The following TLE1 variants were observed in gnomAD, a reference collection of about 807,000 sequenced individuals.
The protein encoded by TLE1 is TLE family member 1, transcriptional corepressor, also known as transducin-like enhancer protein 1.
A neutral mutation model predicts 89.8 loss-of-function variants in TLE1; 21 were observed. The ratio of observed to expected loss-of-function variants is 0.23; its 90% CI spans 0.17 to 0.34. The LOEUF (loss-of-function observed/expected upper bound fraction) is 0.34. Among genes scored for constraint, TLE1 ranks in the 10% least tolerant of loss-of-function variants. The pLI, the probability that TLE1 is intolerant of heterozygous loss-of-function variation, is 1.00. For synonymous variants in TLE1, 447 were observed against 407.6 expected (o/e 1.10, Z -1.16); for missense variants, 795 against 1,031.2 (o/e 0.77, Z 3.14).
At position 81,583,888 on chromosome 9, in the gene TLE1, G is replaced by C. The variant is rs1343508363; in HGVS notation, c.*310C>G. ...AGGTAATCTCACACTTGGGCAAGGC[G>C]TGATCCCCAGATCACCCAGAAAGAA... On this transcript the variant is annotated 3_prime_UTR_variant, in exon 20 of 20. Transcript: ENST00000376499. 6.2e-6 allele frequency: 2 copies of C among 324,596 alleles called. No homozygotes were observed. Among genetic ancestry groups the C allele is most frequent in the Admixed American group, 4.1e-5 (1 of 24,328 alleles). 20.1% of individuals were successfully genotyped at this position (324,596 alleles called of 1,614,324 possible).
In TLE1 at chr9:81,583,986, G is replaced by C; in HGVS notation, c.*212C>G. On this transcript the variant is annotated 3_prime_UTR_variant, in exon 20 of 20. Transcript: ENST00000376499. ...AACCCATGGCCCCTCTGTCCGCTTGGCCTTGGTGCTCCATTTGGTCTATGT... is the reference window on the plus strand; with the variant it reads ...AACCCATGGCCCCTCTGTCCGCTTGCCCTTGGTGCTCCATTTGGTCTATGT... 1 of 552,346 alleles carries C rather than the reference G, an allele frequency of 1.8e-6. No homozygotes were observed. The highest frequency in any genetic ancestry group is 3.2e-6 in the Non-Finnish European group (1 of 309,252). 34.2% of individuals were successfully genotyped at this position (552,346 alleles called of 1,614,324 possible). A position where few individuals can be genotyped will look rare whatever the true frequency, so the allele number is the denominator to read the frequency against.
intron 8 of TLE1, among the ~76,000 whole-genome samples, chr9:81,627,057 G>A (rs1356346975): frequency 2.6e-5 from 4 of 152,056 alleles, no homozygotes; most frequent in African/African-American, 9.7e-5. Flanking sequence ...ACTTGCTAAT[G>A]CAAGAAATGG....
intron 8 of TLE1, among the ~76,000 whole-genome samples, chr9:81,632,471 ATCCCTTTTTTTTT>A (rs140249255): frequency 0.29 from 39,165 of 133,658 alleles, 5,219 homozygotes; most frequent in South Asian, 0.44. Flanking sequence ...AATGTTCAGT[ATCCCTTTTTTTTT>A]TTTTTTTTTT....
chr9:81,667,344 C>T (rs961458942), intron 4 of TLE1, among the ~76,000 whole-genome samples: 1 of 136,102 alleles, frequency 7.3e-6, no homozygotes, highest in African/African-American at 2.8e-5. Context: ...TGCAGTGAGC[C>T]GAGAGATCAC....
chr9:81,584,553 T>C (rs760665325), intron 18 of TLE1, 29 bp from the exon 19 acceptor site: 28 of 1,606,200 alleles, frequency 1.7e-5, no homozygotes, highest in Admixed American at 3.4e-5. Context: ...TATCTAGTTT[T>C]CACAAGGTTA....
At chr9:81,625,208 A>G (rs1198227862) in intron 8 of TLE1, among the ~76,000 whole-genome samples, 1 of 152,194 alleles carries the variant, frequency 6.6e-6, no homozygotes, top group African/African-American at 2.4e-5. Context: ...CTGTGAGAAC[A>G]CCAGATCTCA....
intron 4 of TLE1, among the ~76,000 whole-genome samples, chr9:81,666,857 C>T (rs1374403986): frequency 6.6e-6 from 1 of 151,962 alleles, no homozygotes; most frequent in Non-Finnish European, 1.5e-5. Flanking sequence ...GAAGCACTGG[C>T]TCACATCTAT....
At chr9:81,585,355 G>T in intron 18 of TLE1, 150 bp downstream of exon 18, 2 of 989,632 alleles carry the variant, frequency 2.0e-6, no homozygotes, top group Non-Finnish European at 2.9e-6. Flanking sequence ...ACATTGCTGT[G>T]CTCTGAAGGG....
chr9:81,664,324 T>G (rs1831191822), intron 4 of TLE1, among the ~76,000 whole-genome samples: 2 of 151,746 alleles, frequency 1.3e-5, no homozygotes, highest in Non-Finnish European at 2.9e-5. Flanking sequence ...CACAAAACAC[T>G]GCAAATAATC....
chr9:81,609,648 T>C (rs1425350064), intron 14 of TLE1, among the ~76,000 whole-genome samples: 2 of 152,190 alleles, frequency 1.3e-5, no homozygotes, highest in African/African-American at 4.8e-5. Flanking sequence ...GAAGCCACTT[T>C]GCTTTTTATA....
intron 4 of TLE1, among the ~76,000 whole-genome samples, chr9:81,669,744 T>A (rs533430173): frequency 6.6e-6 from 1 of 152,190 alleles, no homozygotes; most frequent in African/African-American, 2.4e-5. Flanking sequence ...GGCATTTCAA[T>A]CCTTAGATAC....
chr9:81,609,472 T>G (rs894079033), intron 14 of TLE1, among the ~76,000 whole-genome samples: 2 of 152,206 alleles, frequency 1.3e-5, no homozygotes, highest in Admixed American at 1.3e-4. Context: ...TTAAAAAATT[T>G]GAGAACTTTA....
At chr9:81,603,753 G>C (rs1831265649) in intron 14 of TLE1, among the ~76,000 whole-genome samples, 1 of 152,190 alleles carries the variant, frequency 6.6e-6, no homozygotes, top group Non-Finnish European at 1.5e-5. Context: ...TGTAATCCCA[G>C]CACTTTGGGA....
intron 4 of TLE1, among the ~76,000 whole-genome samples, chr9:81,670,560 C>A (rs1832084666): frequency 6.6e-6 from 1 of 151,932 alleles, no homozygotes; most frequent in African/African-American, 2.4e-5. Flanking sequence ...TCCTGACCCT[C>A]CTGACACCTT....
intron 14 of TLE1, among the ~76,000 whole-genome samples, chr9:81,595,999 C>T (rs1199856046): frequency 6.6e-6 from 1 of 151,750 alleles, no homozygotes; most frequent in East Asian, 1.9e-4. Flanking sequence ...CCAGGTAAGG[C>T]CAGGTTTCCA....
intron 4 of TLE1, among the ~76,000 whole-genome samples, chr9:81,681,417 G>A (rs1286924705): frequency 6.6e-6 from 1 of 152,012 alleles, no homozygotes; most frequent in Non-Finnish European, 1.5e-5. Context: ...AGGCATGGTG[G>A]TGGACTCCTG....
At chr9:81,615,901 C>A in intron 11 of TLE1, 81 bp downstream of exon 11, 1 of 1,552,736 alleles carries the variant, frequency 6.4e-7, no homozygotes, top group Non-Finnish European at 8.7e-7. Context: ...AAAACCCCCA[C>A]ATTTCCAATA....
At chr9:81,626,241 T>G (rs1463848509) in intron 8 of TLE1, among the ~76,000 whole-genome samples, 1 of 152,066 alleles carries the variant, frequency 6.6e-6, no homozygotes, top group Non-Finnish European at 1.5e-5. Context: ...TCGTGACACC[T>G]CATTTATCCT....
At chr9:81,639,242 T>C (rs1370797754) in intron 6 of TLE1, among the ~76,000 whole-genome samples, 1 of 151,914 alleles carries the variant, frequency 6.6e-6, no homozygotes, top group Non-Finnish European at 1.5e-5. Context: ...TGGCTAATTT[T>C]TTTTACACAG....
Sources: allele counts gnomAD v4.1 joint callset (sites outside exome capture counted in the v4.1 genomes callset), GRCh38; gene constraint gnomAD v4.1.1; transcripts MANE v1.5; gene names NCBI Gene and HGNC (gene_info 2026-07-23, HGNC 2026-07-21).